The following COL3A1 variants were observed in gnomAD, a reference collection of about 807,000 sequenced individuals.
The protein encoded by COL3A1 is collagen type III alpha 1 chain, also known as collagen alpha-1(III) chain.
In COL3A1, 46 loss-of-function variants were observed where a neutral mutation model predicts 200.9. That is an observed-to-expected ratio of 0.23 (90% confidence interval 0.18 to 0.29). The LOEUF is 0.29. COL3A1 is among the 10% of genes least tolerant of loss of function. The pLI, the probability that COL3A1 is intolerant of heterozygous loss-of-function variation, is 1.00. For missense variants in COL3A1, 1,367 were observed against 1,917.6 expected (o/e 0.71, Z 5.36); for synonymous variants, 650 against 628.0 (o/e 1.03, Z -0.52).
Position 188,994,157 on chromosome 2 carries a change from A to T in COL3A1, c.1194+75A>T. On this transcript the variant is annotated intron_variant, in intron 17 of 50. Transcript: ENST00000304636. The surrounding 1 kb of genome is among the most constrained non-coding windows in gnomAD (Gnocchi z 4.5). ...TCTTTTGCATTTTGCATGACAATAG[A>T]TTTGTGATATTTAAGTGAGATATTC... The T allele has an allele frequency of 6.2e-7, 1 of 1,610,522 alleles. No individual in the cohort carries two copies. Among genetic ancestry groups the T allele is most frequent in the Non-Finnish European group, 8.5e-7 (1 of 1,176,786 alleles).
At chr2:188,975,847 T>C (rs1381530925) in intron 1 of COL3A1, among the ~76,000 whole-genome samples, 3 of 151,858 alleles carry the variant, frequency 2.0e-5, no homozygotes, top group African/African-American at 4.8e-5. Flanking sequence ...CTCCACCCCT[T>C]TTGGCTCCTT....
rs1576474944 is a variant in COL3A1 at position 189,011,755 on chromosome 2, G to A, written c.4382G>A (p.Gly1461Asp). Reference protein sequence around the residue: ...GPDQEFGVDVGPVCFL With the variant: ...GPDQEFGVDVDPVCFL ...GATCAAGAATTTGGTGTGGACGTTG[G>A]CCCTGTTTGCTTTTTATAAACCAAA... The change falls in exon 51 of 51, where the codon GGC (glycine) becomes GAC (aspartate). Residue 1461 changes from glycine to aspartate, a missense_variant. Transcript: ENST00000304636. The A allele has an allele frequency of 2.5e-6, 4 of 1,613,880 alleles. No homozygotes were observed. The East Asian group carries it at 8.9e-5, about 36-fold the overall frequency.
chr2:188,981,150 AACAAAAAAATC>A (rs1687944893), intron 1 of COL3A1, among the ~76,000 whole-genome samples: 1 of 151,546 alleles, frequency 6.6e-6, no homozygotes, highest in Non-Finnish European at 1.5e-5. Context: ...GAAGAATGGA[AACAAAAAAATC>A]ACAAAATAGT....
Position 189,006,919 on chromosome 2 carries a change from T to G in COL3A1, c.3202-18T>G. The stretch of plus-strand genomic sequence containing the variant: ...CTAGTTCCGTGTATGTCTTCTCAAT[T>G]GAATGTTTTCATCTTAGGGCCCTGC... On this transcript the variant is annotated intron_variant, in intron 43 of 50. Coordinates refer to ENST00000304636, the MANE Select transcript of COL3A1 (RefSeq NM_000090.4). 2 of 1,613,130 alleles carry G rather than the reference T, an allele frequency of 1.2e-6. No homozygotes were observed. The highest frequency in any genetic ancestry group is 1.7e-6 in the Non-Finnish European group (2 of 1,179,494).
At chr2:188,991,632 G>A in intron 12 of COL3A1, 37 bp from the exon 13 acceptor site, 1 of 1,612,944 alleles carries the variant, frequency 6.2e-7, no homozygotes, top group Non-Finnish European at 8.5e-7. Context: ...CACATGTCAA[G>A]ATTAGAGTAA....
intron 47 of COL3A1, 60 bp downstream of exon 47, chr2:189,008,202 A>G: frequency 2.2e-6 from 3 of 1,388,496 alleles, no homozygotes; most frequent in Non-Finnish European, 3.0e-6. Context: ...ATTTTCAGAA[A>G]CACAGCGCAT....
chr2:188,977,969 A>G (rs990277290), intron 1 of COL3A1: 2 of 297,146 alleles, frequency 6.7e-6, no homozygotes, highest in Non-Finnish European at 1.4e-5. Flanking sequence ...ATAAAGTATT[A>G]TAACACTTTG....
intron 35 of COL3A1, 122 bp from the exon 36 acceptor site, chr2:189,002,833 T>G (rs1286638270): frequency 1.1e-5 from 9 of 809,122 alleles, no homozygotes; most frequent in Non-Finnish European, 1.9e-5. Context: ...GAAAGCCTTG[T>G]TTTTAAATTT....
chr2:188,974,526 C>T lies in COL3A1; in HGVS notation c.37C>T (p.Leu13Phe), dbSNP rs1303302149. Reference sequence around the variant, plus strand: ...TGTGCAAAAGGGGAGCTGGCTACTTCTCGCTCTGCTTCATCCCACTATTAT... The same window carrying T: ...TGTGCAAAAGGGGAGCTGGCTACTTTTCGCTCTGCTTCATCCCACTATTAT... ...SFVQKGSWLL[L>F]ALLHPTIILA... Residue 13 changes from leucine (L) to phenylalanine (F), a missense_variant, in exon 1 of 51, where the codon CTC (leucine) becomes TTC (phenylalanine). This residue lies in a region of COL3A1 where 55 missense variants were observed against 51.5 expected (regional missense o/e 1.07). Transcript: ENST00000304636. The T allele has an allele frequency of 6.2e-7, 1 of 1,614,072 alleles. No homozygotes were observed. The highest frequency in any genetic ancestry group is 8.5e-7 in the Non-Finnish European group (1 of 1,179,966).
chr2:188,994,169 T>A lies in COL3A1; in HGVS notation c.1195-65T>A. 1 of 1,610,756 alleles carries A rather than the reference T, an allele frequency of 6.2e-7. No homozygotes were observed. The highest frequency in any genetic ancestry group is 8.5e-7 in the Non-Finnish European group (1 of 1,176,938). On this transcript the variant is annotated intron_variant, in intron 17 of 50. Coordinates refer to ENST00000304636, the MANE Select transcript of COL3A1 (RefSeq NM_000090.4). The surrounding 1 kb of genome is among the most constrained non-coding windows in gnomAD (Gnocchi z 4.5). Reference sequence around the variant, plus strand: ...TGCATGACAATAGATTTGTGATATTTAAGTGAGATATTCATAAAAGAACAT... The same window carrying A: ...TGCATGACAATAGATTTGTGATATTAAAGTGAGATATTCATAAAAGAACAT...
chr2:188,975,067 T>G (rs1219473218), intron 1 of COL3A1, among the ~76,000 whole-genome samples: 1 of 152,234 alleles, frequency 6.6e-6, no homozygotes, highest in African/African-American at 2.4e-5. Flanking sequence ...TCATTGAATA[T>G]ATTTCTGTAA....
At chr2:188,997,994 T>A (rs1415869890) in intron 27 of COL3A1, among the ~76,000 whole-genome samples, 1 of 152,226 alleles carries the variant, frequency 6.6e-6, no homozygotes, top group Admixed American at 6.5e-5. Context: ...ATTTTTATTA[T>A]AACATAAATC....
rs1000648091 is a variant in COL3A1 at position 188,997,401 on chromosome 2, C to T, written c.1869+12C>T. 6.2e-7 allele frequency: 1 copy of T among 1,612,724 alleles called. No homozygotes were observed. Among genetic ancestry groups the T allele is most frequent in the Non-Finnish European group, 8.5e-7 (1 of 1,178,838 alleles). On this transcript the variant is annotated intron_variant, in intron 26 of 50. Transcript: ENST00000304636. Reference sequence around the variant, plus strand: ...CCCCAGGGCCTACTGTAAGTTCACTCATATAAAATTGGAGATGAAAATAGG... The same window carrying T: ...CCCCAGGGCCTACTGTAAGTTCACTTATATAAAATTGGAGATGAAAATAGG...
In COL3A1 at chr2:188,988,074, A is replaced by T. The variant is rs1688100015; in HGVS notation, c.529-7A>T. 1 of 1,608,500 alleles carries T rather than the reference A, an allele frequency of 6.2e-7. No homozygotes were observed. The highest frequency in any genetic ancestry group is 8.5e-7 in the Non-Finnish European group (1 of 1,175,204). ...TATTTTGTTTTTCATTCAAATTCAC[A>T]TTCCAGGGCCCCCCAGGCCCTCCCG... On this transcript the variant is annotated splice_polypyrimidine_tract_variant and splice_region_variant and intron_variant, in intron 5 of 50. Transcript: ENST00000304636.
At chr2:188,976,302 A>T (rs1047118097) in intron 1 of COL3A1, among the ~76,000 whole-genome samples, 1 of 152,046 alleles carries the variant, frequency 6.6e-6, no homozygotes, top group Non-Finnish European at 1.5e-5. Flanking sequence ...GGTGTTTGCC[A>T]CTTACAGTAC....
In COL3A1 at chr2:188,974,507, A is replaced by G. The variant is rs892404442; in HGVS notation, c.18A>G (p.Gln6=). 1 of 1,613,912 alleles carries G rather than the reference A, an allele frequency of 6.2e-7. No homozygotes were observed. Among genetic ancestry groups the G allele is most frequent in the Admixed American group, 1.7e-5 (1 of 59,996 alleles). The change falls in exon 1 of 51, where the codon CAA becomes CAG. Residue 6 remains glutamine, a synonymous_variant. Coordinates refer to ENST00000304636, the MANE Select transcript of COL3A1 (RefSeq NM_000090.4). MMSFV[Q]KGSWLLLALL... ...ATTTAGACATGATGAGCTTTGTGCA[A>G]AAGGGGAGCTGGCTACTTCTCGCTC...
At chr2:189,008,799 A>T in intron 47 of COL3A1, 125 bp from the exon 48 acceptor site, 1 of 1,077,748 alleles carries the variant, frequency 9.3e-7, no homozygotes, top group Non-Finnish European at 1.4e-6. Context: ...ATAAATCTTT[A>T]GTAAAATAAT....
rs756350810 is a variant in COL3A1 at position 188,994,034 on chromosome 2, T to A, written c.1150-4T>A. ...AATACATTATCTGTTTTTTGTATAC[T>A]TAGGGCCCTCCTGGGATTAATGGTA... On this transcript the variant is annotated splice_region_variant and splice_polypyrimidine_tract_variant and intron_variant, in intron 16 of 50. Transcript: ENST00000304636. This position sits in a 1 kb window ranked among gnomAD's most constrained non-coding sequence, Gnocchi z 4.5. The A allele has an allele frequency of 1.9e-6, 3 of 1,613,882 alleles. No homozygotes were observed. Among genetic ancestry groups the A allele is most frequent in the Non-Finnish European group, 2.5e-6 (3 of 1,179,762 alleles).
chr2:188,991,994 C>T (rs753994627), intron 13 of COL3A1, among the ~76,000 whole-genome samples, 190 bp from the exon 14 acceptor site: 4 of 152,142 alleles, frequency 2.6e-5, no homozygotes, highest in African/African-American at 7.2e-5. Context: ...AGACTCCAAT[C>T]CTTCTACATT....
Sources: gnomAD v4.1 joint callset for allele counts (sites outside exome capture counted in the v4.1 genomes callset) on GRCh38, gnomAD v4.1.1 for gene constraint, gnomAD v4.1.1 regional missense constraint, Gnocchi (gnomAD v3.1) non-coding constraint, MANE v1.5 for transcripts, NCBI Gene and HGNC (gene_info 2026-07-23, HGNC 2026-07-21) for gene names.